Variants in XPA observed in about 807,000 individuals in gnomAD.
XPA encodes DNA repair protein complementing XP-A cells.
In XPA, 27 loss-of-function variants were observed where a neutral mutation model predicts 35.7. The observed-to-expected ratio is 0.76, with a 90% confidence interval of 0.56 to 1.04. The LOEUF (loss-of-function observed/expected upper bound fraction) is 1.04, where lower values mean the gene tolerates loss of function less well. Among genes scored for constraint, XPA ranks in the 50% least tolerant of loss-of-function variants. XPA has a pLI of 0.00. For synonymous variants in XPA, 133 were observed against 118.4 expected (o/e 1.12, Z -0.80); for missense variants, 354 against 342.7 (o/e 1.03, Z -0.26).
the XPA span, chr9:97,661,967 AT>A: frequency 1.0e-6 from 1 of 992,910 alleles, no homozygotes; most frequent in Admixed American, 1.9e-5. Context: ...GCAACCATCT[AT>A]TTAGCATTTG....
At chr9:97,689,059 A>T (rs1375872275) in intron 3 of XPA, among the ~76,000 whole-genome samples, 1 of 152,218 alleles carries the variant, frequency 6.6e-6, no homozygotes, top group Non-Finnish European at 1.5e-5. Flanking sequence ...ATGGAAGAAT[A>T]TAGTTCTTCC....
chr9:97,692,296 A>T (rs542725008), intron 2 of XPA, among the ~76,000 whole-genome samples: 1 of 149,866 alleles, frequency 6.7e-6, no homozygotes, highest in Non-Finnish European at 1.5e-5. Context: ...TGTCTCAAAG[A>T]AAAAAAAAAG....
chr9:97,666,352 A>G, the XPA span, among the ~76,000 whole-genome samples: 1 of 152,220 alleles, frequency 6.6e-6, no homozygotes, highest in Non-Finnish European at 1.5e-5. Flanking sequence ...AATAATATAA[A>G]GCATGGGAAA....
At chr9:97,680,180 G>A (rs928702959) in intron 5 of XPA, among the ~76,000 whole-genome samples, 1 of 152,118 alleles carries the variant, frequency 6.6e-6, no homozygotes, top group East Asian at 1.9e-4. Flanking sequence ...GAGTATGATC[G>A]TTGTTCTTTA....
chr9:97,666,675 G>C, the XPA span: 1 of 831,358 alleles, frequency 1.2e-6, no homozygotes, highest in Non-Finnish European at 1.9e-6. Context: ...TGTATCAGCT[G>C]TTAAGAATGA....
At chr9:97,673,374 C>G (rs905928809), downstream of XPA, 1 of 152,154 alleles carries the variant, frequency 6.6e-6, no homozygotes, top group African/African-American at 2.4e-5. Flanking sequence ...AACTTTGACT[C>G]AAAACTGCTT....
At chr9:97,657,049 A>G in the XPA span, among the ~76,000 whole-genome samples, 2 of 152,068 alleles carry the variant, frequency 1.3e-5, no homozygotes, top group Admixed American at 6.5e-5. Context: ...GCTCACTGCA[A>G]GCGCCACCTC....
At position 97,675,351 on chromosome 9, in the gene XPA, CTTT is replaced by C; in HGVS notation, c.*85_*87del. ...GTTTCATTCATCTATGAAGATGTTG[CTTT>C]TTTTTTTGAATTTTGAAAAGGACCA... On this transcript the variant is annotated 3_prime_UTR_variant, in exon 6 of 6. Coordinates refer to ENST00000375128, the MANE Select transcript of XPA (RefSeq NM_000380.4). 8.4e-7 allele frequency: 1 copy of C among 1,187,440 alleles called. No individual in the cohort carries two copies. The highest frequency in any genetic ancestry group is 1.1e-6 in the Non-Finnish European group (1 of 870,290). 73.6% of individuals were successfully genotyped at this position (1,187,440 alleles called of 1,614,324 possible).
intron 2 of XPA, among the ~76,000 whole-genome samples, chr9:97,690,858 T>C (rs1039731564): frequency 6.6e-6 from 1 of 152,228 alleles, no homozygotes; most frequent in African/African-American, 2.4e-5. Flanking sequence ...TGTGCTTACA[T>C]TGGGTCTACC....
intron 3 of XPA, among the ~76,000 whole-genome samples, chr9:97,688,410 T>G (rs1395894309): frequency 6.6e-6 from 1 of 152,220 alleles, no homozygotes; most frequent in Non-Finnish European, 1.5e-5. Flanking sequence ...TGTGCTTGTA[T>G]TCGGTCTACC....
At chr9:97,662,568 T>C in the XPA span, among the ~76,000 whole-genome samples, 4 of 152,180 alleles carry the variant, frequency 2.6e-5, no homozygotes, top group Admixed American at 2.0e-4. Flanking sequence ...AAAGAGCACA[T>C]AGATTTTCCT....
the XPA span, among the ~76,000 whole-genome samples, chr9:97,655,543 A>G: frequency 6.6e-6 from 1 of 152,236 alleles, no homozygotes; most frequent in Admixed American, 6.5e-5. Flanking sequence ...TAAAAAGGAT[A>G]AAGAGAGTTG....
At chr9:97,673,611 G>GCAAA (rs1367712475), downstream of XPA, 1 of 152,202 alleles carries the variant, frequency 6.6e-6, no homozygotes, top group Non-Finnish European at 1.5e-5. Flanking sequence ...AGGTGTAAGA[G>GCAAA]CAAACATTCA....
rs750807332 is a variant in XPA, at chr9:97,675,351, C to CTTTTTTT, written c.*81_*87dup. On this transcript the variant is annotated 3_prime_UTR_variant, in exon 6 of 6. Coordinates refer to ENST00000375128, the MANE Select transcript of XPA (RefSeq NM_000380.4). The stretch of plus-strand genomic sequence containing the variant: ...GTTTCATTCATCTATGAAGATGTTG[C>CTTTTTTT]TTTTTTTTTTGAATTTTGAAAAGGA... 5.1e-6 allele frequency: 6 copies of CTTTTTTT among 1,187,428 alleles called. No individual in the cohort carries two copies. Among genetic ancestry groups the CTTTTTTT allele is most frequent in the African/African-American group, 1.6e-5 (1 of 62,218 alleles). The allele number at this position is 1,187,428 out of a possible 1,614,324, so 73.6% of individuals were successfully genotyped here.
downstream of XPA, chr9:97,673,891 T>C (rs563471057): frequency 7.9e-5 from 12 of 152,280 alleles, no homozygotes; most frequent in African/African-American, 2.2e-4. Context: ...AGAGGGTGAA[T>C]AGAAGCATCC....
intron 4 of XPA, among the ~76,000 whole-genome samples, chr9:97,686,147 T>C (rs578059100): frequency 4.6e-5 from 7 of 152,348 alleles, no homozygotes; most frequent in African/African-American, 1.7e-4. Context: ...TTAATTTTAT[T>C]TGGAGATATG....
intron 1 of XPA, 40 bp downstream of exon 1, chr9:97,697,081 G>T (rs1215788108): frequency 6.6e-7 from 1 of 1,508,214 alleles, no homozygotes. Flanking sequence ...GACCGGGGAG[G>T]CGGGGAGAGG....
chr9:97,675,684 G>T, intron 5 of XPA, 97 bp from the exon 6 acceptor site: 1 of 1,377,154 alleles, frequency 7.3e-7, no homozygotes, highest in Non-Finnish European at 1.0e-6. Context: ...ACATGTGTGT[G>T]TGTCTATGTG....
At chr9:97,669,590 C>T in the XPA span, 1 of 1,593,166 alleles carries the variant, frequency 6.3e-7, no homozygotes, top group Non-Finnish European at 8.6e-7. Flanking sequence ...TCTCCCTTTC[C>T]AGCGGTTTAT....
Sources: allele counts gnomAD v4.1 joint callset (sites outside exome capture counted in the v4.1 genomes callset), GRCh38; gene constraint gnomAD v4.1.1; transcripts MANE v1.5; gene names NCBI Gene and HGNC (gene_info 2026-07-23, HGNC 2026-07-21).